The following PTGES3 variants were observed in gnomAD, a reference collection of about 807,000 sequenced individuals.
PTGES3 encodes Hsp90 co-chaperone.
Under a neutral mutation model 29.9 loss-of-function variants are expected in PTGES3, and 5 were observed. The observed-to-expected ratio is 0.17, with a 90% CI of 0.09 to 0.35. PTGES3 has a LOEUF of 0.35. Among genes scored for constraint, PTGES3 ranks in the 10% least tolerant of loss-of-function variants. The pLI, the probability that PTGES3 is intolerant of heterozygous loss-of-function variation, is 1.00. For synonymous variants in PTGES3, 49 were observed against 57.8 expected (o/e 0.85, Z 0.69); for missense variants, 128 against 190.0 (o/e 0.67, Z 1.92).
chr12:56,667,779 C>G (rs2137590644), intron 5 of PTGES3, among the ~76,000 whole-genome samples: 1 of 152,274 alleles, frequency 6.6e-6, no homozygotes, highest in South Asian at 2.1e-4. Flanking sequence ...AGCATTATGC[C>G]TATAGTTAAC....
chr12:56,676,057 T>C (rs1952225868), intron 1 of PTGES3, among the ~76,000 whole-genome samples: 1 of 150,426 alleles, frequency 6.6e-6, no homozygotes. Context: ...AGAAACCCCG[T>C]CTCTACTAAA....
intron 1 of PTGES3, among the ~76,000 whole-genome samples, chr12:56,686,176 T>A (rs1952837379): frequency 6.6e-6 from 1 of 152,136 alleles, no homozygotes. Context: ...TGCTTCTACT[T>A]CAAGCCAATT....
intron 1 of PTGES3, among the ~76,000 whole-genome samples, chr12:56,675,669 C>T (rs904192413): frequency 1.3e-5 from 2 of 152,024 alleles, no homozygotes; most frequent in Non-Finnish European, 2.9e-5. Context: ...CCTGTAATCT[C>T]CAGCACTTTG....
Position 56,688,156 on chromosome 12 carries a change from C to A in PTGES3, c.-157G>T. 3.0e-6 allele frequency: 4 copies of A among 1,327,480 alleles called. No homozygotes were observed. The highest frequency in any genetic ancestry group is 2.9e-6 in the Non-Finnish European group (3 of 1,023,228). The allele number at this position is 1,327,480 out of a possible 1,614,324, so 82.2% of individuals were successfully genotyped here. Reference sequence around the variant, plus strand: ...CAGGCGACGGCGGCAGCGGCGGGCTCGACCTCGGGCCCCAGAATGCACCGC... The same window carrying A: ...CAGGCGACGGCGGCAGCGGCGGGCTAGACCTCGGGCCCCAGAATGCACCGC... On this transcript the variant is annotated 5_prime_UTR_variant, in exon 1 of 8. Coordinates refer to ENST00000262033, the MANE Select transcript of PTGES3 (RefSeq NM_006601.7).
At chr12:56,682,118 A>G (rs1952569661) in intron 1 of PTGES3, among the ~76,000 whole-genome samples, 1 of 152,078 alleles carries the variant, frequency 6.6e-6, no homozygotes, top group Non-Finnish European at 1.5e-5. Flanking sequence ...AAGTGCTGGG[A>G]TTACATGTGT....
At chr12:56,675,475 G>C (rs1193325267) in intron 1 of PTGES3, among the ~76,000 whole-genome samples, 1 of 146,384 alleles carries the variant, frequency 6.8e-6, no homozygotes, top group Admixed American at 7.0e-5. Context: ...GTTGCAGTGA[G>C]CCAAGATCAC....
At chr12:56,676,529 G>A (rs1002135983) in intron 1 of PTGES3, among the ~76,000 whole-genome samples, 4 of 151,934 alleles carry the variant, frequency 2.6e-5, no homozygotes, top group Admixed American at 6.6e-5. Flanking sequence ...TATCTCCTGG[G>A]GATGTTAAAA....
intron 6 of PTGES3, chr12:56,665,104 G>T: frequency 1.4e-5 from 14 of 985,232 alleles, no homozygotes; most frequent in Non-Finnish European, 1.6e-5. Flanking sequence ...GGATCAATAT[G>T]AAGAAAAATG....
chr12:56,678,508 C>T (rs967726700), intron 1 of PTGES3, among the ~76,000 whole-genome samples: 1 of 152,144 alleles, frequency 6.6e-6, no homozygotes, highest in African/African-American at 2.4e-5. Context: ...ATGTGCATTG[C>T]ACATAGTAAA....
At chr12:56,678,404 T>C (rs1362644129) in intron 1 of PTGES3, among the ~76,000 whole-genome samples, 1 of 152,118 alleles carries the variant, frequency 6.6e-6, no homozygotes, top group East Asian at 1.9e-4. Context: ...CTCGAACTCC[T>C]GACCTCAGGT....
At chr12:56,686,407 C>T (rs577933736) in intron 1 of PTGES3, among the ~76,000 whole-genome samples, 103 of 151,962 alleles carry the variant, frequency 6.8e-4, no homozygotes, top group African/African-American at 2.4e-3. Context: ...GGTTTTCACT[C>T]TTGTTGCCCA....
intron 5 of PTGES3, among the ~76,000 whole-genome samples, chr12:56,668,180 A>G (rs1365976576): frequency 6.6e-6 from 1 of 152,238 alleles, no homozygotes; most frequent in Non-Finnish European, 1.5e-5. Context: ...TTAATTAAAC[A>G]CACACAAAAA....
chr12:56,675,553 T>C (rs1027294443), intron 1 of PTGES3, among the ~76,000 whole-genome samples: 1 of 139,250 alleles, frequency 7.2e-6, no homozygotes, highest in East Asian at 2.1e-4. Flanking sequence ...GTGAATGAGA[T>C]AAGAGATATT....
intron 6 of PTGES3, chr12:56,665,357 G>A (rs1241110393): frequency 3.2e-6 from 3 of 935,136 alleles, no homozygotes; most frequent in Non-Finnish European, 3.8e-6. Flanking sequence ...GTGCAGTGGC[G>A]AGATCCGGCT....
chr12:56,683,880 A>T (rs528516438), intron 1 of PTGES3, among the ~76,000 whole-genome samples: 2 of 145,728 alleles, frequency 1.4e-5, no homozygotes, highest in Admixed American at 7.1e-5. Context: ...AATGGCGTGA[A>T]CCCCAGGGGG....
At position 56,664,408 on chromosome 12, in the gene PTGES3, A is replaced by T. The variant is rs1454993357; in HGVS notation, c.*71T>A. 1 of 1,498,326 alleles carries T rather than the reference A, an allele frequency of 6.7e-7. No homozygotes were observed. The highest frequency in any genetic ancestry group is 9.2e-7 in the Non-Finnish European group (1 of 1,092,426). 92.8% of individuals were successfully genotyped at this position (1,498,326 alleles called of 1,614,324 possible). A position where few individuals can be genotyped will look rare whatever the true frequency, so the allele number is the denominator to read the frequency against. ...TGCCTTTAGAGCTATCAACTCAGGA[A>T]TTCTCTCAATTATGAAATCTTGCAG... On this transcript the variant is annotated 3_prime_UTR_variant, in exon 8 of 8. Transcript: ENST00000262033.
chr12:56,676,322 T>G (rs2137657757), intron 1 of PTGES3, among the ~76,000 whole-genome samples: 1 of 151,910 alleles, frequency 6.6e-6, no homozygotes, highest in South Asian at 2.1e-4. Flanking sequence ...GGGACAATAA[T>G]TTCTCCAGCG....
chr12:56,676,455 T>C (rs1952253833), intron 1 of PTGES3, among the ~76,000 whole-genome samples: 1 of 152,124 alleles, frequency 6.6e-6, no homozygotes, highest in African/African-American at 2.4e-5. Flanking sequence ...CTAAAATTTG[T>C]TATGGAGGCA....
Position 56,685,399 on chromosome 12 carries a change from CTTTTTTT to C in PTGES3, c.2+2592_2+2598del, listed in dbSNP as rs143526249. ...TTTTGAAGGTAGCATTTTTTCTTTT[CTTTTTTT>C]TTTTTTTTTTTTTTAAGACAGTCTC... is the stretch of plus-strand genomic sequence containing the variant. On this transcript the variant is annotated intron_variant, in intron 1 of 7. Coordinates refer to ENST00000262033, the MANE Select transcript of PTGES3 (RefSeq NM_006601.7). 1.6e-4 allele frequency among the ~76,000 whole-genome samples: 21 copies of C among 131,152 alleles called. 1 individual carries two copies. Among genetic ancestry groups the C allele is most frequent in the South Asian group, 1.4e-3 (6 of 4,230 alleles). The allele number at this position is 131,152 out of a possible 152,430, so 86.0% of individuals were successfully genotyped here. A position where few individuals can be genotyped will look rare whatever the true frequency, so the allele number is the denominator to read the frequency against.
Sources: gnomAD v4.1 joint callset for allele counts (sites outside exome capture counted in the v4.1 genomes callset) on GRCh38, gnomAD v4.1.1 for gene constraint, MANE v1.5 for transcripts, NCBI Gene and HGNC (gene_info 2026-07-23, HGNC 2026-07-21) for gene names.